Variants in VGLL4 observed in about 807,000 individuals in gnomAD.
VGLL4 encodes vestigial like family member 4.
Under a neutral mutation model 21.0 loss-of-function variants are expected in VGLL4, and 7 were observed. That is an observed-to-expected ratio of 0.33 (90% CI 0.19 to 0.63). The LOEUF (loss-of-function observed/expected upper bound fraction) is 0.63. Ranked by LOEUF, VGLL4 falls within the 20% of genes least tolerant of loss-of-function variation. The pLI, the probability that VGLL4 is intolerant of heterozygous loss-of-function variation, is 0.78. For synonymous variants in VGLL4, 222 were observed against 173.2 expected (o/e 1.28, Z -2.21); for missense variants, 394 against 425.7 (o/e 0.93, Z 0.66).
At position 11,558,786 on chromosome 3, in the gene VGLL4, T is replaced by C. The variant is rs1407550217; in HGVS notation, c.661A>G (p.Arg221Gly). The change falls in exon 5 of 5, where the codon AGG becomes GGG. Residue 221 changes from arginine (R) to glycine (G), a missense_variant. Physicochemically the swap from Arg to Gly is moderately radical, Grantham distance 125 (BLOSUM62 -2). Coordinates refer to ENST00000430365, the MANE Select transcript of VGLL4 (RefSeq NM_001128219.3). ...CDPVVEEHFR[R>G]SLGKNYKEPE... is the part of the protein sequence containing the mutation. ...TCCTTGTAATTCTTGCCCAGGCTCCTGCGGAAATGCTCCTCCACCACGGGG... is the reference window on the plus strand; with the variant it reads ...TCCTTGTAATTCTTGCCCAGGCTCCCGCGGAAATGCTCCTCCACCACGGGG... 3 of 1,613,780 alleles carry C rather than the reference T, an allele frequency of 1.9e-6. No individual in the cohort carries two copies. The highest frequency in any genetic ancestry group is 2.5e-6 in the Non-Finnish European group (3 of 1,179,908).
At chr3:11,643,955 A>T, upstream of VGLL4, 1 of 993,334 alleles carries the variant, frequency 1.0e-6, no homozygotes, top group Non-Finnish European at 1.2e-6. Flanking sequence ...CTCTTCCCGC[A>T]GGAGGCCGAG....
chr3:11,697,032 C>G (rs752456810), intron 2 of VGLL4, among the ~76,000 whole-genome samples: 1 of 152,124 alleles, frequency 6.6e-6, no homozygotes, highest in African/African-American at 2.4e-5. Flanking sequence ...TGTAAGCCAC[C>G]ACCTGAGCCA....
chr3:11,597,205 C>G (rs2074667507), intron 2 of VGLL4, among the ~76,000 whole-genome samples: 1 of 151,930 alleles, frequency 6.6e-6, no homozygotes, highest in African/African-American at 2.4e-5. Context: ...AGGGGAAGAG[C>G]TCTTTCTTAC....
intron 1 of VGLL4, among the ~76,000 whole-genome samples, chr3:11,705,309 A>T (rs907969173): frequency 2.2e-4 from 34 of 152,338 alleles, no homozygotes; most frequent in African/African-American, 7.9e-4. Flanking sequence ...AGCGAGGGGC[A>T]CTGGCACCGG....
intron 2 of VGLL4, among the ~76,000 whole-genome samples, chr3:11,675,203 G>A (rs556731407): frequency 1.2e-3 from 177 of 152,192 alleles, no homozygotes; most frequent in Middle Eastern, 3.4e-3. Flanking sequence ...TTAGCCAGTC[G>A]TAGTGGCAGG....
intron 2 of VGLL4, among the ~76,000 whole-genome samples, chr3:11,694,364 T>C (rs191800693): frequency 1.3e-5 from 2 of 152,322 alleles, no homozygotes; most frequent in East Asian, 3.9e-4. Context: ...CTCATGCCTG[T>C]AATCCCAGCA....
At chr3:11,563,380 C>T (rs1306264942) in intron 3 of VGLL4, among the ~76,000 whole-genome samples, 1 of 152,262 alleles carries the variant, frequency 6.6e-6, no homozygotes, top group Non-Finnish European at 1.5e-5. Flanking sequence ...CAGAAAGGTC[C>T]ACTGCCCACC....
chr3:11,703,093 C>A, intron 1 of VGLL4: 1 of 1,518,210 alleles, frequency 6.6e-7, no homozygotes, highest in Non-Finnish European at 8.9e-7. Context: ...AAACAGAATT[C>A]AAAAGACTCT....
intron 1 of VGLL4, chr3:11,611,985 T>C (rs1173301633): frequency 1.3e-5 from 2 of 152,012 alleles, no homozygotes; most frequent in Non-Finnish European, 2.9e-5. Context: ...GCAGGAGGGA[T>C]GGTGTCTGCT....
intron 1 of VGLL4, among the ~76,000 whole-genome samples, chr3:11,703,502 T>C (rs1217300111): frequency 1.3e-5 from 2 of 152,236 alleles, no homozygotes; most frequent in Non-Finnish European, 1.5e-5. Flanking sequence ...GGTAGGTTAA[T>C]TGATATTTTA....
intron 1 of VGLL4, among the ~76,000 whole-genome samples, chr3:11,621,461 T>C (rs1575462393): frequency 8.1e-6 from 1 of 123,626 alleles, no homozygotes; most frequent in Admixed American, 7.8e-5. Flanking sequence ...CTTTCACTCA[T>C]AATGTTTTAA....
intron 2 of VGLL4, among the ~76,000 whole-genome samples, chr3:11,586,013 C>T (rs930595592): frequency 8.5e-5 from 13 of 152,148 alleles, no homozygotes; most frequent in African/African-American, 3.1e-4. Flanking sequence ...AAGCCCCCAA[C>T]CCTTCCCCCT....
At chr3:11,651,757 A>T (rs2075876380) in intron 2 of VGLL4, among the ~76,000 whole-genome samples, 1 of 152,180 alleles carries the variant, frequency 6.6e-6, no homozygotes, top group South Asian at 2.1e-4. Context: ...CTGATTTAAA[A>T]AAAAAAAAAA....
intron 3 of VGLL4, among the ~76,000 whole-genome samples, chr3:11,561,580 G>A (rs1344358105): frequency 6.6e-6 from 1 of 152,206 alleles, no homozygotes; most frequent in African/African-American, 2.4e-5. Context: ...CCCTGCCTCT[G>A]TGGTTGAGTG....
intron 2 of VGLL4, among the ~76,000 whole-genome samples, chr3:11,579,506 A>G (rs868525297): frequency 6.6e-6 from 1 of 152,194 alleles, no homozygotes; most frequent in South Asian, 2.1e-4. Flanking sequence ...CATCACTCAC[A>G]TCTAGATGCA....
intron 2 of VGLL4, among the ~76,000 whole-genome samples, chr3:11,665,102 T>G (rs1559932558): frequency 5.5e-5 from 1 of 18,292 alleles, no homozygotes; most frequent in Non-Finnish European, 1.3e-4. Context: ...AATATTTTTC[T>G]TTTTTTTTTT....
At chr3:11,667,476 T>C (rs1408635724) in intron 2 of VGLL4, among the ~76,000 whole-genome samples, 2 of 152,260 alleles carry the variant, frequency 1.3e-5, no homozygotes, top group South Asian at 2.1e-4. Flanking sequence ...GTATATGCTA[T>C]GATCATTTAT....
At chr3:11,689,065 G>A (rs1384217066) in intron 2 of VGLL4, among the ~76,000 whole-genome samples, 1 of 151,888 alleles carries the variant, frequency 6.6e-6, no homozygotes, top group Admixed American at 6.6e-5. Flanking sequence ...CTTTTGGAGG[G>A]ATTGAGGAGA....
chr3:11,680,452 A>G (rs1176292517), intron 2 of VGLL4, among the ~76,000 whole-genome samples: 2 of 152,214 alleles, frequency 1.3e-5, no homozygotes, highest in Non-Finnish European at 2.9e-5. Flanking sequence ...GAAGGTCAAA[A>G]GCCGCATCAT....
Sources: allele counts gnomAD v4.1 joint callset (sites outside exome capture counted in the v4.1 genomes callset), GRCh38; gene constraint gnomAD v4.1.1; transcripts MANE v1.5; gene names NCBI Gene and HGNC (gene_info 2026-07-23, HGNC 2026-07-21).